Variants in CAPN10 observed in about 807,000 individuals in gnomAD.
The protein encoded by CAPN10 is calpain 10.
In CAPN10, 71 loss-of-function variants were observed where a neutral mutation model predicts 78.4. That is an observed-to-expected ratio of 0.91 (90% CI 0.75 to 1.10). CAPN10 has a LOEUF of 1.10. Among genes scored for constraint, CAPN10 ranks in the 50% least tolerant of loss-of-function variants. CAPN10 has a pLI of 0.00. For missense variants in CAPN10, 849 were observed against 924.6 expected (o/e 0.92, Z 1.06); for synonymous variants, 437 against 407.2 (o/e 1.07, Z -0.88).
At chr2:240,594,880 G>T in intron 6 of CAPN10, 144 bp from the exon 7 acceptor site, 1 of 1,096,558 alleles carries the variant, frequency 9.1e-7, no homozygotes. Context: ...CAGGAGCTGG[G>T]AGGAGGGTGG....
chr2:240,596,709 A>ACC lies in CAPN10; in HGVS notation c.1514_1515dup (p.Gly506ProfsTer97). On this transcript the variant is annotated frameshift_variant, in exon 9 of 12. Transcript: ENST00000391984. LOFTEE classifies it high-confidence loss of function. ...CATCAGGGCAGTGGCCAAGAACACC[A>ACC]CCCCCGGGGCAGCCCTGCCTGCGGG... The ACC allele has an allele frequency of 6.4e-7, 1 of 1,563,286 alleles. No individual in the cohort carries two copies. Among genetic ancestry groups the ACC allele is most frequent in the Non-Finnish European group, 8.7e-7 (1 of 1,153,918 alleles).
At chr2:240,596,275 C>T in intron 7 of CAPN10, 44 bp from the exon 8 acceptor site, 1 of 1,558,824 alleles carries the variant, frequency 6.4e-7, no homozygotes, top group Non-Finnish European at 8.7e-7. Context: ...GGGCGTCTGA[C>T]CCCGGCCGCT....
chr2:240,597,075 C>A, intron 9 of CAPN10, 133 bp downstream of exon 9: 1 of 1,115,220 alleles, frequency 9.0e-7, no homozygotes, highest in Non-Finnish European at 1.3e-6. Context: ...GAGGCGCTGC[C>A]TAGAACCCGC....
Position 240,598,670 on chromosome 2 carries a change from T to C in CAPN10, c.2009T>C (p.Met670Thr), listed in dbSNP as rs748199944. Reference sequence around the variant, plus strand: ...TTGCAGGTCTCCATCATGGCAGTGATGAAAACCTAACAGGGTGGCCCCCTG... The same window carrying C: ...TTGCAGGTCTCCATCATGGCAGTGACGAAAACCTAACAGGGTGGCCCCCTG... ...FLQEVSIMAV[M>T]KT The change falls in exon 12 of 12, where the codon ATG becomes ACG. Residue 670 changes from methionine to threonine, a missense_variant. By Grantham distance (81) the Met-to-Thr change is moderately conservative. Coordinates refer to ENST00000391984, the MANE Select transcript of CAPN10 (RefSeq NM_023083.4). The C allele has an allele frequency of 7.0e-6, 11 of 1,577,618 alleles. No homozygotes were observed. In the South Asian group the frequency reaches 1.2e-4, roughly 17 times the overall value.
At position 240,596,396 on chromosome 2, in the gene CAPN10, C is replaced by G; in HGVS notation, c.1356C>G (p.Asp452Glu). 6.2e-7 allele frequency: 1 copy of G among 1,613,490 alleles called. No homozygotes were observed. Among genetic ancestry groups the G allele is most frequent in the Non-Finnish European group, 8.5e-7 (1 of 1,179,928 alleles). ...CTGGCACCGCGTGCCATGCATACGACCGGGAGGTCCACCTGCGTTGTGAGC... is the reference window on the plus strand; with the variant it reads ...CTGGCACCGCGTGCCATGCATACGAGCGGGAGGTCCACCTGCGTTGTGAGC... ...PVAGTACHAY[D>E]REVHLRCELS... The change falls in exon 8 of 12, where the codon GAC becomes GAG. Residue 452 changes from aspartate (D) to glutamate (E), a missense_variant. Coordinates refer to ENST00000391984, the MANE Select transcript of CAPN10 (RefSeq NM_023083.4).
At chr2:240,597,824 G>A in intron 9 of CAPN10, 64 bp from the exon 10 acceptor site, 1 of 1,406,686 alleles carries the variant, frequency 7.1e-7, no homozygotes, top group Non-Finnish European at 9.7e-7. Context: ...CCGAGCAGAT[G>A]GCCCTGGGCT....
At position 240,589,392 on chromosome 2, in the gene CAPN10, A is replaced by G. The variant is rs1369654441; in HGVS notation, c.191A>G (p.Gln64Arg). 10 of 1,614,140 alleles carry G rather than the reference A, an allele frequency of 6.2e-6. No individual in the cohort carries two copies. The East Asian group carries it at 2.2e-4, about 36-fold the overall frequency. The change falls in exon 2 of 12, where the codon CAG becomes CGG. Residue 64 changes from glutamine to arginine, a missense_variant. Gln to Arg is a conservative substitution (Grantham distance 43). Transcript: ENST00000391984. ...TTTCCAGATGACCCACGGGAAGGGCAGGTGAAGCAGGGGCTGCTGGGGGAT... is the reference window on the plus strand; with the variant it reads ...TTTCCAGATGACCCACGGGAAGGGCGGGTGAAGCAGGGGCTGCTGGGGGAT... Reference protein sequence around the residue: ...RLFPDDPREGQVKQGLLGDCW... With the variant: ...RLFPDDPREGRVKQGLLGDCW...
chr2:240,592,033 G>T lies in CAPN10; in HGVS notation c.571G>T (p.Ala191Ser), dbSNP rs1280534206. ...LAERWNLKGVAGSGGQQDRPG... is the reference protein window; with the variant it reads ...LAERWNLKGVSGSGGQQDRPG... ...AGAAAGATGGAACCTGAAGGGCGTA[G>T]CAGGAAGCGGAGGCCAGCAGGACAG... The change falls in exon 4 of 12, where the codon GCA (alanine) becomes TCA (serine). Residue 191 changes from alanine to serine, a missense_variant. Transcript: ENST00000391984. 1 of 1,612,800 alleles carries T rather than the reference G, an allele frequency of 6.2e-7. No individual in the cohort carries two copies. The highest frequency in any genetic ancestry group is 1.7e-5 in the Admixed American group (1 of 59,954).
intron 1 of CAPN10, 47 bp from the exon 2 acceptor site, chr2:240,589,295 GT>G (rs1425484835): frequency 6.2e-7 from 1 of 1,613,370 alleles, no homozygotes; most frequent in East Asian, 2.2e-5. Flanking sequence ...AGTTTGAAGG[GT>G]TCCACAGCAG....
rs201615094 is a variant in CAPN10 at position 240,592,828 on chromosome 2, CCT to C, written c.688+679_688+680del. 1,497 of 182,304 alleles carry C rather than the reference CCT, an allele frequency of 8.2e-3. 18 individuals are homozygous for C. The highest frequency in any genetic ancestry group is 0.013 in the Non-Finnish European group (1,139 of 86,140). 11.3% of individuals were successfully genotyped at this position (182,304 alleles called of 1,614,324 possible). A position where few individuals can be genotyped will look rare whatever the true frequency, so the allele number is the denominator to read the frequency against. On this transcript the variant is annotated intron_variant, in intron 4 of 11. Coordinates refer to ENST00000391984, the MANE Select transcript of CAPN10 (RefSeq NM_023083.4). ...TTTGCCACAGTCTCTTAATCATTCCCCTGATGTTGGATATTAAGATCTCTCTG... is the reference window on the plus strand; with the variant it reads ...TTTGCCACAGTCTCTTAATCATTCCCGATGTTGGATATTAAGATCTCTCTG...
chr2:240,598,873 G>C lies in CAPN10; in HGVS notation c.*193G>C, dbSNP rs2093154649. On this transcript the variant is annotated 3_prime_UTR_variant, in exon 12 of 12. Coordinates refer to ENST00000391984, the MANE Select transcript of CAPN10 (RefSeq NM_023083.4). Reference sequence around the variant, plus strand: ...AGGAGAGACGCAGCCCTGGGGGCCAGCTGGTGCTGCAAGGAAGGGTGGGAA... The same window carrying C: ...AGGAGAGACGCAGCCCTGGGGGCCACCTGGTGCTGCAAGGAAGGGTGGGAA... 4.9e-6 allele frequency: 3 copies of C among 610,288 alleles called. No individual in the cohort carries two copies. Among genetic ancestry groups the C allele is most frequent in the African/African-American group, 1.9e-5 (1 of 54,028 alleles). 37.8% of individuals were successfully genotyped at this position (610,288 alleles called of 1,614,324 possible). A position where few individuals can be genotyped will look rare whatever the true frequency, so the allele number is the denominator to read the frequency against.
rs371078612 is a variant in CAPN10 at position 240,598,090 on chromosome 2, G to A, written c.1943+3G>A. ...ACCATCGCAACCAGGATTGACAGGTGGGGCTCTGGGACTTGGGGGCGGCCA... is the reference window on the plus strand; with the variant it reads ...ACCATCGCAACCAGGATTGACAGGTAGGGCTCTGGGACTTGGGGGCGGCCA... On this transcript the variant is annotated splice_donor_region_variant and intron_variant, in intron 10 of 11. Transcript: ENST00000391984. The A allele has an allele frequency of 3.4e-5, 55 of 1,602,540 alleles. No individual in the cohort carries two copies. The highest frequency in any genetic ancestry group is 1.7e-4 in the Middle Eastern group (1 of 6,034).
intron 5 of CAPN10, 141 bp from the exon 6 acceptor site, chr2:240,594,402 G>A: frequency 1.2e-6 from 1 of 820,152 alleles, no homozygotes; most frequent in South Asian, 1.6e-5. Context: ...GGGTGTGGGA[G>A]GGGCTGCAGA....
rs145787041 is a variant in CAPN10, at chr2:240,594,678, G to A, written c.966G>A (p.Thr322=). The change falls in exon 6 of 12, where the codon ACG becomes ACA. Residue 322 remains threonine (T), a synonymous_variant. Transcript: ENST00000391984. The part of the protein sequence containing the change: ...FDELTVGYPV[T]EAGHLQSLYT... ...AGCTCACCGTTGGCTACCCGGTCAC[G>A]GAGGCCGGCCACCTGCAGAGCCTCT... The A allele has an allele frequency of 6.1e-4, 982 of 1,613,422 alleles. No individual in the cohort carries two copies. Among genetic ancestry groups the A allele is most frequent in the Non-Finnish European group, 8.1e-4 (951 of 1,179,892 alleles).
chr2:240,595,317 C>T lies in CAPN10; in HGVS notation c.1278+13C>T, dbSNP rs755070539. On this transcript the variant is annotated intron_variant, in intron 7 of 11. Transcript: ENST00000391984. ...GCACCTCTGGAAGGTAACTCAGCCC[C>T]GTCTGGCTCACGCTCGGTTCAGCAG... is the stretch of plus-strand genomic sequence containing the variant. 2.9e-5 allele frequency: 47 copies of T among 1,610,844 alleles called. 1 individual carries two copies. The highest frequency in any genetic ancestry group is 3.3e-5 in the Admixed American group (2 of 59,968).
At position 240,597,878 on chromosome 2, in the gene CAPN10, C is replaced by G. The variant is rs2125467146; in HGVS notation, c.1744-10C>G. ...CTGGCCCCCTCAGTCTGAGCCTGCGCTTTCCTCAGGTCCCAGAGGGTGGAA... is the reference window on the plus strand; with the variant it reads ...CTGGCCCCCTCAGTCTGAGCCTGCGGTTTCCTCAGGTCCCAGAGGGTGGAA... On this transcript the variant is annotated splice_polypyrimidine_tract_variant and intron_variant, in intron 9 of 11. Coordinates refer to ENST00000391984, the MANE Select transcript of CAPN10 (RefSeq NM_023083.4). 1 of 1,584,258 alleles carries G rather than the reference C, an allele frequency of 6.3e-7. No individual in the cohort carries two copies. The highest frequency in any genetic ancestry group is 2.1e-4 in the Middle Eastern group (1 of 4,774).
rs942942234 is a variant in CAPN10, at chr2:240,596,774, C to T, written c.1575C>T (p.Val525=). 6 of 1,611,732 alleles carry T rather than the reference C, an allele frequency of 3.7e-6. No individual in the cohort carries two copies. The highest frequency in any genetic ancestry group is 4.5e-5 in the East Asian group (2 of 44,890). The part of the protein sequence containing the change: ...GTVQLRGSWR[V]GQTAGGSRNF... ...TGCAGCTACGGGGTTCTTGGAGAGT[C>T]GGCCAGACGGCGGGGGGCAGCAGGA... Residue 525 remains valine, a synonymous_variant, in exon 9 of 12, where the codon GTC becomes GTT. Transcript: ENST00000391984.
At position 240,589,663 on chromosome 2, in the gene CAPN10, G is replaced by T. The variant is rs536480834; in HGVS notation, c.273+189G>T. 217 of 739,820 alleles carry T rather than the reference G, an allele frequency of 2.9e-4. No individual in the cohort carries two copies. The African/African-American group carries it at 3.6e-3, about 12-fold the overall frequency. 45.8% of individuals were successfully genotyped at this position (739,820 alleles called of 1,614,324 possible). ...GCACTCTGTCCCTCTGCTGCAGGGG[G>T]GGGTGCCTTGGCCTCGCCAGAAGGC... is the stretch of plus-strand genomic sequence containing the variant. On this transcript the variant is annotated intron_variant, in intron 2 of 11. Transcript: ENST00000391984.
intron 3 of CAPN10, 34 bp from the exon 4 acceptor site, chr2:240,591,899 A>G: frequency 1.3e-6 from 2 of 1,581,096 alleles, no homozygotes; most frequent in Non-Finnish European, 1.7e-6. Context: ...GCTCAATGCC[A>G]GAGGCTCACT....
Sources: gnomAD v4.1 joint callset for allele counts on GRCh38, gnomAD v4.1.1 for gene constraint, MANE v1.5 for transcripts, NCBI Gene and HGNC (gene_info 2026-07-23, HGNC 2026-07-21) for gene names.